The following MAPK9 variants were observed in gnomAD, a reference collection of about 807,000 sequenced individuals.
MAPK9 encodes mitogen-activated protein kinase 9.
In MAPK9, 30 loss-of-function variants were observed where a neutral mutation model predicts 57.1. The observed-to-expected ratio is 0.53, with a 90% CI of 0.39 to 0.71. MAPK9 has a LOEUF of 0.71. Ranked by LOEUF, MAPK9 falls within the 30% of genes least tolerant of loss-of-function variation. The pLI, the probability that MAPK9 is intolerant of heterozygous loss-of-function variation, is 0.00. For synonymous variants in MAPK9, 155 were observed against 177.0 expected (o/e 0.88, Z 0.99); for missense variants, 362 against 521.0 (o/e 0.69, Z 2.97).
intron 2 of MAPK9, among the ~76,000 whole-genome samples, chr5:180,278,282 C>T (rs1357112239): frequency 6.6e-6 from 1 of 152,246 alleles, no homozygotes; most frequent in Admixed American, 6.5e-5. Flanking sequence ...TCCTTCGATT[C>T]ACCACCAGTG....
intron 2 of MAPK9, among the ~76,000 whole-genome samples, chr5:180,278,701 A>AAAAT (rs370100920): frequency 6.6e-6 from 1 of 152,064 alleles, no homozygotes; most frequent in Non-Finnish European, 1.5e-5. Flanking sequence ...CTGTCTCAAA[A>AAAAT]AAATAAATAA....
intron 5 of MAPK9, among the ~76,000 whole-genome samples, chr5:180,253,879 C>T (rs577024077): frequency 7.4e-6 from 1 of 135,342 alleles, no homozygotes; most frequent in East Asian, 2.8e-4. Context: ...ACACCTGTGG[C>T]TGCCTGTGGT....
intron 4 of MAPK9, among the ~76,000 whole-genome samples, chr5:180,262,418 C>T (rs892752278): frequency 1.3e-5 from 2 of 152,048 alleles, no homozygotes; most frequent in Non-Finnish European, 2.9e-5. Flanking sequence ...CAATTCTTCT[C>T]CCTTCTTTTT....
chr5:180,260,929 T>C (rs36034417), intron 5 of MAPK9, among the ~76,000 whole-genome samples: 2,033 of 133,412 alleles, frequency 0.015, 39 homozygotes, highest in African/African-American at 0.056. Context: ...ACTGAAGTAT[T>C]GGTATCAAAT....
In MAPK9 at chr5:180,241,136, C is replaced by T; in HGVS notation, c.891G>A (p.Leu297=). ...DKIKTSQARD[L]LSKMLVIDPD... ...GATCAATCACTAACATTTTTGATAA[C>T]AGATCTCTGGCTTGACTTGCTAGGG... Residue 297 remains leucine, a synonymous_variant, in exon 9 of 12, where the codon CTG becomes CTA. Transcript: ENST00000452135. 1 of 1,613,466 alleles carries T rather than the reference C, an allele frequency of 6.2e-7. No homozygotes were observed. Among genetic ancestry groups the T allele is most frequent in the Non-Finnish European group, 8.5e-7 (1 of 1,179,782 alleles).
At chr5:180,241,296 A>T (rs933204923) in intron 8 of MAPK9, 141 bp from the exon 9 acceptor site, 50 of 926,738 alleles carry the variant, frequency 5.4e-5, no homozygotes, top group Non-Finnish European at 7.3e-5. Context: ...AGATGAATAT[A>T]ACCCAAAATT....
At chr5:180,254,638 A>G (rs1208919428) in intron 5 of MAPK9, among the ~76,000 whole-genome samples, 2 of 152,238 alleles carry the variant, frequency 1.3e-5, no homozygotes, top group Non-Finnish European at 2.9e-5. Flanking sequence ...TGCCCACATC[A>G]AGGCATACAT....
At chr5:180,288,712 T>A (rs1303694719) in intron 1 of MAPK9, among the ~76,000 whole-genome samples, 2 of 152,236 alleles carry the variant, frequency 1.3e-5, no homozygotes, top group African/African-American at 4.8e-5. Flanking sequence ...TTTAGCTTTG[T>A]CTTTACCAAA....
chr5:180,261,613 A>T, intron 5 of MAPK9, 71 bp downstream of exon 5: 1 of 1,345,804 alleles, frequency 7.4e-7, no homozygotes, highest in Admixed American at 2.8e-5. Context: ...TTTAAATGTT[A>T]TTTTGTATGT....
intron 2 of MAPK9, among the ~76,000 whole-genome samples, chr5:180,273,372 A>C (rs1761526819): frequency 6.6e-6 from 1 of 152,154 alleles, no homozygotes; most frequent in African/African-American, 2.4e-5. Flanking sequence ...AAAATTGATC[A>C]ATCTTCTATG....
At chr5:180,284,022 G>A (rs1461711940) in intron 1 of MAPK9, among the ~76,000 whole-genome samples, 2 of 152,182 alleles carry the variant, frequency 1.3e-5, no homozygotes, top group East Asian at 1.9e-4. Flanking sequence ...GTGAAAACCT[G>A]TTAAAGCCAC....
chr5:180,239,530 T>C (rs1254546235), intron 10 of MAPK9, among the ~76,000 whole-genome samples: 1 of 152,222 alleles, frequency 6.6e-6, no homozygotes, highest in Non-Finnish European at 1.5e-5. Context: ...GTTAATCTTA[T>C]AGTGGTAATA....
intron 1 of MAPK9, among the ~76,000 whole-genome samples, chr5:180,285,503 C>A (rs551693787): frequency 2.4e-4 from 37 of 152,310 alleles, no homozygotes; most frequent in African/African-American, 8.4e-4. Flanking sequence ...AACCTTTCAT[C>A]ACACTAAAGC....
chr5:180,272,959 C>T (rs1761481032), intron 2 of MAPK9, among the ~76,000 whole-genome samples: 1 of 152,050 alleles, frequency 6.6e-6, no homozygotes, highest in Non-Finnish European at 1.5e-5. Flanking sequence ...CGAGGGGTCA[C>T]ATCTGAGAGC....
At position 180,235,892 on chromosome 5, in the gene MAPK9, A is replaced by G. The variant is rs1397688549; in HGVS notation, c.*492T>C. ...GGGAATAAGATATGATAACATCATG[A>G]TGGCCAATTAATACACATAAATCGA... On this transcript the variant is annotated 3_prime_UTR_variant, in exon 12 of 12. Coordinates refer to ENST00000452135, the MANE Select transcript of MAPK9 (RefSeq NM_002752.5). 6.5e-6 allele frequency: 1 copy of G among 152,768 alleles called. No homozygotes were observed. The highest frequency in any genetic ancestry group is 1.9e-4 in the East Asian group (1 of 5,202). The allele number at this position is 152,768 out of a possible 1,614,324, so 9.5% of individuals were successfully genotyped here.
At chr5:180,254,413 C>A (rs907384261) in intron 5 of MAPK9, among the ~76,000 whole-genome samples, 1 of 152,088 alleles carries the variant, frequency 6.6e-6, no homozygotes, top group African/African-American at 2.4e-5. Flanking sequence ...AAAGCTTATC[C>A]TCAGAGATGA....
At chr5:180,267,817 A>C (rs2127603012) in intron 3 of MAPK9, among the ~76,000 whole-genome samples, 1 of 151,612 alleles carries the variant, frequency 6.6e-6, no homozygotes, top group African/African-American at 2.4e-5. Flanking sequence ...GTCTCAAAAA[A>C]ACAAAACAAA....
chr5:180,252,028 T>C (rs528848080), intron 5 of MAPK9, among the ~76,000 whole-genome samples: 4 of 152,090 alleles, frequency 2.6e-5, no homozygotes, highest in African/African-American at 4.8e-5. Context: ...CAGCTCTAAG[T>C]AGACACTGAA....
In MAPK9 at chr5:180,247,698, T is replaced by C. The variant is rs765979470; in HGVS notation, c.617-188A>G. 2 of 968,552 alleles carry C rather than the reference T, an allele frequency of 2.1e-6. No individual in the cohort carries two copies. The highest frequency in any genetic ancestry group is 3.2e-5 in the African/African-American group (2 of 61,566). 60.0% of individuals were successfully genotyped at this position (968,552 alleles called of 1,614,324 possible). A position where few individuals can be genotyped will look rare whatever the true frequency, so the allele number is the denominator to read the frequency against. ...GCCTTCGGTTTGTAGCAATCTGGGG[T>C]TTTAGTGCCAAAGAGTCCAATACTT... On this transcript the variant is annotated intron_variant, in intron 6 of 11. Transcript: ENST00000452135. This position sits in a 1 kb window ranked among gnomAD's most constrained non-coding sequence, Gnocchi z 4.5.
Sources: gnomAD v4.1 joint callset for allele counts (sites outside exome capture counted in the v4.1 genomes callset) on GRCh38, gnomAD v4.1.1 for gene constraint, Gnocchi (gnomAD v3.1) non-coding constraint, MANE v1.5 for transcripts, NCBI Gene and HGNC (gene_info 2026-07-23, HGNC 2026-07-21) for gene names.